ENTREP2: variants seen among roughly 807,000 people sequenced by gnomAD.
The protein encoded by ENTREP2 is endosomal transmembrane epsin interactor 2, also known as protein ENTREP2.
chr15:29,327,017 A>T, the ENTREP2 span, among the ~76,000 whole-genome samples: 2 of 152,128 alleles, frequency 1.3e-5, no homozygotes, highest in African/African-American at 4.8e-5. Flanking sequence ...ATATGCAAAA[A>T]AAAAGAAACC....
At chr15:29,666,738 G>C in the ENTREP2 span, among the ~76,000 whole-genome samples, 1 of 152,014 alleles carries the variant, frequency 6.6e-6, no homozygotes, top group Admixed American at 6.6e-5. Flanking sequence ...TCAGTTCCTG[G>C]AGTGGCCTTC....
the ENTREP2 span, among the ~76,000 whole-genome samples, chr15:29,401,959 G>A: frequency 3.3e-5 from 5 of 152,108 alleles, no homozygotes; most frequent in Non-Finnish European, 5.9e-5. Context: ...TTGGAACGAC[G>A]CACAAGAAAC....
At chr15:29,448,711 ACT>A in the ENTREP2 span, among the ~76,000 whole-genome samples, 1 of 151,978 alleles carries the variant, frequency 6.6e-6, no homozygotes, top group Non-Finnish European at 1.5e-5. Context: ...GCTTTTGAAA[ACT>A]CTTCCATATG....
the ENTREP2 span, chr15:29,124,707 G>T: frequency 6.4e-7 from 1 of 1,550,666 alleles, no homozygotes; most frequent in Non-Finnish European, 8.7e-7. Context: ...CACAGCCTCA[G>T]ACAGTCCCGC....
At chr15:29,609,085 G>A in the ENTREP2 span, among the ~76,000 whole-genome samples, 1 of 138,668 alleles carries the variant, frequency 7.2e-6, no homozygotes, top group East Asian at 2.5e-4. Context: ...TGAGGCTGTT[G>A]GCCATTTATA....
chr15:29,128,267 C>T, the ENTREP2 span, among the ~76,000 whole-genome samples: 1 of 152,150 alleles, frequency 6.6e-6, no homozygotes, highest in Non-Finnish European at 1.5e-5. Flanking sequence ...AGACCACCTC[C>T]CCCGCCCCGG....
the ENTREP2 span, among the ~76,000 whole-genome samples, chr15:29,626,623 A>G: frequency 6.6e-6 from 1 of 152,216 alleles, no homozygotes; most frequent in Admixed American, 6.5e-5. Flanking sequence ...GTCATCTGAA[A>G]ATATGGACAG....
chr15:29,487,435 T>C, the ENTREP2 span, among the ~76,000 whole-genome samples: 1 of 152,192 alleles, frequency 6.6e-6, no homozygotes, highest in African/African-American at 2.4e-5. Context: ...GGTCAGTCTC[T>C]TCTCTCTCTG....
chr15:29,157,636 T>A, the ENTREP2 span, among the ~76,000 whole-genome samples: 1 of 152,110 alleles, frequency 6.6e-6, no homozygotes, highest in Admixed American at 6.5e-5. Context: ...CTTAAAACAA[T>A]CCTGCTGGTG....
At chr15:29,269,490 C>G in the ENTREP2 span, 4 of 1,609,432 alleles carry the variant, frequency 2.5e-6, no homozygotes, top group South Asian at 3.3e-5. Context: ...CGGGGGCGGC[C>G]TGGGCCCGGC....
At chr15:29,604,497 A>G in the ENTREP2 span, among the ~76,000 whole-genome samples, 1 of 152,246 alleles carries the variant, frequency 6.6e-6, no homozygotes, top group East Asian at 1.9e-4. Context: ...CTTATTCATA[A>G]CATATTATAC....
the ENTREP2 span, among the ~76,000 whole-genome samples, chr15:29,451,981 G>T: frequency 3.3e-5 from 5 of 152,144 alleles, no homozygotes; most frequent in Admixed American, 3.3e-4. Context: ...TCACTAAAGG[G>T]TTTTAAAACC....
At chr15:29,661,109 C>G in the ENTREP2 span, among the ~76,000 whole-genome samples, 852 of 152,246 alleles carry the variant, frequency 5.6e-3, 9 homozygotes, top group African/African-American at 0.019. Flanking sequence ...AATTAGTAAA[C>G]AAGGCCAAAG....
the ENTREP2 span, among the ~76,000 whole-genome samples, chr15:29,314,420 A>G: frequency 5.1e-4 from 78 of 152,356 alleles, 1 homozygote; most frequent in African/African-American, 1.8e-3. Context: ...ACCACCAATT[A>G]GTCAGCAGCC....
chr15:29,577,109 C>G, the ENTREP2 span, among the ~76,000 whole-genome samples: 1 of 150,676 alleles, frequency 6.6e-6, no homozygotes, highest in African/African-American at 2.4e-5. Flanking sequence ...ACCTGGCCAG[C>G]TATATTATTT....
At chr15:29,455,883 T>G in the ENTREP2 span, among the ~76,000 whole-genome samples, 4 of 152,342 alleles carry the variant, frequency 2.6e-5, no homozygotes, top group African/African-American at 9.6e-5. Flanking sequence ...ATCTAGGTTG[T>G]GGCTCCTTAT....
chr15:29,552,234 G>A, the ENTREP2 span, among the ~76,000 whole-genome samples: 4 of 152,048 alleles, frequency 2.6e-5, no homozygotes, highest in Admixed American at 6.6e-5. Context: ...AAAAAAACTC[G>A]GGAGACAGAA....
At chr15:29,523,179 C>T in the ENTREP2 span, among the ~76,000 whole-genome samples, 1 of 152,186 alleles carries the variant, frequency 6.6e-6, no homozygotes, top group Non-Finnish European at 1.5e-5. Context: ...GTAACATTTG[C>T]AGATGACTTC....
At chr15:29,627,540 T>TAA in the ENTREP2 span, among the ~76,000 whole-genome samples, 27 of 120,228 alleles carry the variant, frequency 2.2e-4, no homozygotes, top group South Asian at 5.3e-4. Context: ...AGACTCCATC[T>TAA]AAAAAAAAAA....
Sources: allele counts gnomAD v4.1 joint callset (sites outside exome capture counted in the v4.1 genomes callset), GRCh38; gene constraint gnomAD v4.1.1; transcripts MANE v1.5; gene names NCBI Gene and HGNC (gene_info 2026-07-23, HGNC 2026-07-21).